The following RSPH4A variants were observed in gnomAD, a reference collection of about 807,000 sequenced individuals.
RSPH4A encodes the protein radial spoke head component 4A.
In RSPH4A, 47 loss-of-function variants were observed where a neutral mutation model predicts 71.0. That is an observed-to-expected ratio of 0.66 (90% CI 0.52 to 0.84). RSPH4A has a LOEUF of 0.84. RSPH4A is among the 40% of genes least tolerant of loss of function. The pLI is 0.00. For synonymous variants in RSPH4A, 282 were observed against 302.3 expected (o/e 0.93, Z 0.70); for missense variants, 793 against 855.2 (o/e 0.93, Z 0.91).
At chr6:116,619,113 G>T (rs76930530) in intron 1 of RSPH4A, among the ~76,000 whole-genome samples, 8,255 of 152,252 alleles carry the variant, frequency 0.054, 638 homozygotes, top group African/African-American at 0.18. Context: ...ACCTCCATGT[G>T]TTCAGCTATC....
intron 4 of RSPH4A, 51 bp from the exon 5 acceptor site, chr6:116,630,384 G>T: frequency 1.1e-6 from 1 of 925,036 alleles, no homozygotes; most frequent in Non-Finnish European, 1.8e-6. Context: ...TTACACAGTA[G>T]ATTCTTGTCT....
intron 1 of RSPH4A, among the ~76,000 whole-genome samples, chr6:116,619,427 G>T (rs1775564510): frequency 6.6e-6 from 1 of 152,114 alleles, no homozygotes; most frequent in African/African-American, 2.4e-5. Flanking sequence ...GGCCTATCTT[G>T]GGGATAAATG....
rs762313827 is a variant in RSPH4A, at chr6:116,617,273, A to C, written c.650A>C (p.Tyr217Ser). 71 of 1,613,336 alleles carry C rather than the reference A, an allele frequency of 4.4e-5. 1 individual carries two copies. The Middle Eastern group carries it at 5.0e-4, about 11-fold the overall frequency. Residue 217 changes from tyrosine (Y) to serine (S), a missense_variant, in exon 1 of 6, where the codon TAC (tyrosine) becomes TCC (serine). Physicochemically the swap from Tyr to Ser is moderately radical, Grantham distance 144. Transcript: ENST00000229554. ...ATCACCATTCAGAATGCTAAGGCTT[A>C]CCTGCTGAAGACTAGCAGCAATTCG... ...LEITIQNAKA[Y>S]LLKTSSNSGF...
Position 116,630,464 on chromosome 6 carries a change from C to G in RSPH4A, c.1828C>G (p.Arg610Gly). The G allele has an allele frequency of 1.9e-6, 3 of 1,606,818 alleles. No individual in the cohort carries two copies. Among genetic ancestry groups the G allele is most frequent in the Non-Finnish European group, 2.6e-6 (3 of 1,173,434 alleles). Residue 610 changes from arginine to glycine, a missense_variant, in exon 5 of 6, where the codon CGG (arginine) becomes GGG (glycine). Physicochemically the swap from Arg to Gly is moderately radical, Grantham distance 125 (BLOSUM62 -2). Transcript: ENST00000229554. ...EIQNIPPWTTRLSSNLIPQYA... is the reference protein window; with the variant it reads ...EIQNIPPWTTGLSSNLIPQYA... ...TCAGAATATACCCCCCTGGACAACA[C>G]GGTTATCCTCAAATCTCATTCCACA...
chr6:116,617,364 G>T (rs1775528540), intron 1 of RSPH4A, 55 bp downstream of exon 1: 3 of 1,248,800 alleles, frequency 2.4e-6, no homozygotes, highest in Non-Finnish European at 2.3e-6. Flanking sequence ...GGGTGTGTGA[G>T]TATCTCTGTG....
chr6:116,623,143 G>C, intron 2 of RSPH4A, 141 bp downstream of exon 2: 1 of 632,208 alleles, frequency 1.6e-6, no homozygotes. Context: ...AGGCTCCCAG[G>C]CTTGGAGTAC....
rs761164302 is a variant in RSPH4A, at chr6:116,616,582, C to T, written c.-42C>T. The T allele has an allele frequency of 6.8e-5, 103 of 1,520,900 alleles. No individual in the cohort carries two copies. The highest frequency in any genetic ancestry group is 1.9e-4 in the Middle Eastern group (1 of 5,170). 94.2% of individuals were successfully genotyped at this position (1,520,900 alleles called of 1,614,324 possible). A position where few individuals can be genotyped will look rare whatever the true frequency, so the allele number is the denominator to read the frequency against. On this transcript the variant is annotated 5_prime_UTR_variant, in exon 1 of 6. It adds an upstream start codon to the 5' untranslated region. Transcript: ENST00000229554. The stretch of plus-strand genomic sequence containing the variant: ...TGAGTTGCCTTCTTCCATATTTTCA[C>T]GCCCCTTTCATCCAGAACATTTTTT...
In RSPH4A at chr6:116,616,700, GA is replaced by G; in HGVS notation, c.80del (p.Lys27ArgfsTer90). The G allele has an allele frequency of 6.2e-7, 1 of 1,614,184 alleles. No homozygotes were observed. Reference sequence around the variant, plus strand: ...GGGGAAACAAGGCGGCCATGGGAAGGAAAGACAGCAGCTTCTCCCCAATATT... The same window carrying G: ...GGGGAAACAAGGCGGCCATGGGAAGGAAGACAGCAGCTTCTCCCCAATATT... ...ELGETRRPWE[G>X]KTAASPQYSE... On this transcript the variant is annotated frameshift_variant, in exon 1 of 6. Transcript: ENST00000229554. LOFTEE classifies it high-confidence loss of function.
Position 116,622,279 on chromosome 6 carries a change from G to A in RSPH4A, c.687-489G>A, listed in dbSNP as rs137920292. Among the ~76,000 whole-genome samples the A allele has an allele frequency of 3.3e-3, 502 of 152,178 alleles. 13 individuals carry two copies. Among genetic ancestry groups the A allele is most frequent in the Admixed American group, 0.024 (369 of 15,284 alleles). On this transcript the variant is annotated intron_variant, in intron 1 of 5. Coordinates refer to ENST00000229554, the MANE Select transcript of RSPH4A (RefSeq NM_001010892.3). ...AGAAATCAAATTGGATTTGGTGAGC[G>A]GAGGGGAAGGGGAATGGAAAAGAAG...
At chr6:116,620,369 G>T (rs1157860853) in intron 1 of RSPH4A, among the ~76,000 whole-genome samples, 1 of 152,048 alleles carries the variant, frequency 6.6e-6, no homozygotes, top group Non-Finnish European at 1.5e-5. Flanking sequence ...GTACTTTAGT[G>T]CCTACAGTTT....
Position 116,632,560 on chromosome 6 carries a change from CA to C in RSPH4A, c.*121del. On this transcript the variant is annotated 3_prime_UTR_variant, in exon 6 of 6. Transcript: ENST00000229554. ...ATACATACACATGTAAGAAATTATT[CA>C]ACTGCAAAATCTCAATCTTGAAAAT... 1 of 1,264,000 alleles carries C rather than the reference CA, an allele frequency of 7.9e-7. No individual in the cohort carries two copies. Among genetic ancestry groups the C allele is most frequent in the Non-Finnish European group, 1.1e-6 (1 of 926,020 alleles). 78.3% of individuals were successfully genotyped at this position (1,264,000 alleles called of 1,614,324 possible). A position where few individuals can be genotyped will look rare whatever the true frequency, so the allele number is the denominator to read the frequency against.
chr6:116,620,851 A>G lies in RSPH4A; in HGVS notation c.687-1917A>G, dbSNP rs367821235. ...GTGTTTTTAGTCTGGAGTCTTCTCC[A>G]TGAGTTTTCTTTTTCTTTTCTTTTT... On this transcript the variant is annotated intron_variant, in intron 1 of 5. Coordinates refer to ENST00000229554, the MANE Select transcript of RSPH4A (RefSeq NM_001010892.3). Among the ~76,000 whole-genome samples, 6 of 152,126 alleles carry G rather than the reference A, an allele frequency of 3.9e-5. No homozygotes were observed. In the East Asian group the frequency reaches 5.8e-4, roughly 15 times the overall value.
chr6:116,632,226 A>G lies in RSPH4A; in HGVS notation c.1936A>G (p.Ile646Val), dbSNP rs375132889. ...TTATAGAAAGTTTGAAAATTTCTAC[A>G]TAGGCTGGGGTCATAAGTATAGTCC... is the stretch of plus-strand genomic sequence containing the variant. The part of the protein sequence containing the change: ...SNGKKFENFY[I>V]GWGHKYSPDN... Residue 646 changes from isoleucine (I) to valine (V), a missense_variant, in exon 6 of 6, where the codon ATA becomes GTA. By Grantham distance (29) the Ile-to-Val change is conservative. Coordinates refer to ENST00000229554, the MANE Select transcript of RSPH4A (RefSeq NM_001010892.3). 4 of 1,610,842 alleles carry G rather than the reference A, an allele frequency of 2.5e-6. No homozygotes were observed. Among genetic ancestry groups the G allele is most frequent in the South Asian group, 1.1e-5 (1 of 90,826 alleles).
At position 116,627,724 on chromosome 6, in the gene RSPH4A, T is replaced by G. The variant is rs775973607; in HGVS notation, c.1017T>G (p.Leu339=). 6 of 1,614,192 alleles carry G rather than the reference T, an allele frequency of 3.7e-6. No individual in the cohort carries two copies. The South Asian group carries it at 5.5e-5, about 15-fold the overall frequency. ...CAGATGAGACATACCGCATATTTCT[T>G]GCCCTCAAGCAGCTTACTGATACCC... ...LGTDETYRIF[L]ALKQLTDTHP... is the part of the protein sequence containing the mutation. The change falls in exon 3 of 6, where the codon CTT becomes CTG. Residue 339 remains leucine, a synonymous_variant. Coordinates refer to ENST00000229554, the MANE Select transcript of RSPH4A (RefSeq NM_001010892.3).
chr6:116,621,959 A>C (rs1163014867), intron 1 of RSPH4A, among the ~76,000 whole-genome samples: 1 of 152,196 alleles, frequency 6.6e-6, no homozygotes, highest in African/African-American at 2.4e-5. Context: ...GAAAAAGCAA[A>C]CACTAGCAGT....
chr6:116,631,501 G>A (rs905569607), intron 5 of RSPH4A, among the ~76,000 whole-genome samples: 3 of 152,154 alleles, frequency 2.0e-5, no homozygotes, highest in Non-Finnish European at 4.4e-5. Flanking sequence ...AACGGCTCCT[G>A]CAGTTTTACA....
At chr6:116,620,452 A>AT (rs1334279519) in intron 1 of RSPH4A, among the ~76,000 whole-genome samples, 1 of 152,140 alleles carries the variant, frequency 6.6e-6, no homozygotes, top group African/African-American at 2.4e-5. Context: ...CATAAAAGCT[A>AT]TTTTTCATGG....
In RSPH4A at chr6:116,622,925, G is replaced by T; in HGVS notation, c.844G>T (p.Glu282Ter). ...QNENELLPTY[E>*]IAEKQKALFL... ...TGAGAATGAGTTGCTTCCAACATAT[G>T]AAATAGCAGAAAAGCAAAAGGCTCT... The change falls in exon 2 of 6, where the codon GAA (glutamate) becomes TAA (stop). Residue 282 changes from glutamate (E) to a stop codon, truncating the protein, a stop_gained. Transcript: ENST00000229554. LOFTEE classifies it high-confidence loss of function. The T allele has an allele frequency of 1.2e-6, 2 of 1,613,944 alleles. No individual in the cohort carries two copies. The highest frequency in any genetic ancestry group is 2.2e-5 in the South Asian group (2 of 91,050).
At position 116,630,501 on chromosome 6, in the gene RSPH4A, C is replaced by T; in HGVS notation, c.1865C>T (p.Ala622Val). The change falls in exon 5 of 6, where the codon GCA becomes GTA. Residue 622 changes from alanine to valine, a missense_variant. Transcript: ENST00000229554. Reference sequence around the variant, plus strand: ...AATCTCATTCCACAATATGCTATTGCAGTCCTTCAATCCAACCTTTGGCCT... The same window carrying T: ...AATCTCATTCCACAATATGCTATTGTAGTCCTTCAATCCAACCTTTGGCCT... ...SSNLIPQYAI[A>V]VLQSNLWPGA... The T allele has an allele frequency of 6.2e-7, 1 of 1,611,492 alleles. No individual in the cohort carries two copies. Among genetic ancestry groups the T allele is most frequent in the East Asian group, 2.2e-5 (1 of 44,858 alleles).
Sources: gnomAD v4.1 joint callset for allele counts (sites outside exome capture counted in the v4.1 genomes callset) on GRCh38, gnomAD v4.1.1 for gene constraint, MANE v1.5 for transcripts, NCBI Gene and HGNC (gene_info 2026-07-23, HGNC 2026-07-21) for gene names.